NAALADL2: variants seen among roughly 807,000 people sequenced by gnomAD.
The protein encoded by NAALADL2 is inactive N-acetylated-alpha-linked acidic dipeptidase-like protein 2.
In NAALADL2, 76 loss-of-function variants were observed where a neutral mutation model predicts 87.2. The observed-to-expected ratio is 0.87, with a 90% confidence interval of 0.72 to 1.05. The LOEUF (loss-of-function observed/expected upper bound fraction) is 1.05. Among genes scored for constraint, NAALADL2 ranks in the 50% least tolerant of loss-of-function variants. The probability of loss-of-function intolerance (pLI) is 0.00; values close to 1 mark genes in which losing one functional copy is unlikely to be tolerated. For missense variants in NAALADL2, 1,089 were observed against 945.8 expected, an observed-to-expected ratio of 1.15 and a Z score of -1.99; for synonymous variants, 354 against 331.0, an observed-to-expected ratio of 1.07 and a Z score of -0.75.
intron 2 of NAALADL2, among the ~76,000 whole-genome samples, chr3:175,205,758 C>A (rs1401093041): frequency 6.6e-6 from 1 of 151,176 alleles, no homozygotes; most frequent in Non-Finnish European, 1.5e-5. Flanking sequence ...AAGAAAACAA[C>A]AAAAAATCCC....
At chr3:175,631,863 A>G (rs1727810549) in intron 11 of NAALADL2, among the ~76,000 whole-genome samples, 1 of 151,996 alleles carries the variant, frequency 6.6e-6, no homozygotes. Context: ...AAGTTTCAAC[A>G]TTTATCTCCT....
chr3:174,694,571 A>C (rs781000619), intron 2 of NAALADL2, among the ~76,000 whole-genome samples: 27 of 152,008 alleles, frequency 1.8e-4, no homozygotes, highest in Non-Finnish European at 3.5e-4. Context: ...ATTGTTATTG[A>C]TACAAATGAA....
chr3:175,000,276 A>T (rs6801927), intron 1 of NAALADL2, among the ~76,000 whole-genome samples: 27,235 of 152,174 alleles, frequency 0.18, 3,718 homozygotes, highest in African/African-American at 0.38. Context: ...GTGCTACTGC[A>T]ATAGAAGTAT....
intron 11 of NAALADL2, among the ~76,000 whole-genome samples, chr3:175,723,796 C>G (rs930264310): frequency 5.9e-5 from 9 of 152,054 alleles, no homozygotes; most frequent in African/African-American, 2.2e-4. Flanking sequence ...GACTGATTGA[C>G]TTAGTGTTAG....
intron 3 of NAALADL2, among the ~76,000 whole-genome samples, chr3:174,779,166 C>A (rs1446645937): frequency 6.6e-6 from 1 of 152,178 alleles, no homozygotes; most frequent in Non-Finnish European, 1.5e-5. Flanking sequence ...TTAATGACAG[C>A]CATTCTAACT....
At chr3:175,719,743 C>T (rs1030674278) in intron 11 of NAALADL2, among the ~76,000 whole-genome samples, 12 of 152,158 alleles carry the variant, frequency 7.9e-5, no homozygotes, top group African/African-American at 2.7e-4. Context: ...ATTCAGGCTG[C>T]TGTACCAAAA....
chr3:175,531,938 T>C (rs1484607902), intron 9 of NAALADL2, among the ~76,000 whole-genome samples: 1 of 152,210 alleles, frequency 6.6e-6, no homozygotes, highest in African/African-American at 2.4e-5. Context: ...ATCTCCACAG[T>C]CCCTCAAGGG....
At chr3:175,096,495 CGTGTGT>C (rs3067035) in intron 1 of NAALADL2, among the ~76,000 whole-genome samples, 13,156 of 143,178 alleles carry the variant, frequency 0.092, 587 homozygotes, top group Non-Finnish European at 0.12. Context: ...ATTAATGGGG[CGTGTGT>C]GTGTGTGTGT....
At chr3:175,339,208 T>A (rs1762340040) in intron 5 of NAALADL2, among the ~76,000 whole-genome samples, 1 of 152,232 alleles carries the variant, frequency 6.6e-6, no homozygotes, top group African/African-American at 2.4e-5. Context: ...CTAGAATCAC[T>A]AATCGAAAGA....
At chr3:174,974,245 T>C (rs1055211724) in intron 1 of NAALADL2, among the ~76,000 whole-genome samples, 17 of 152,222 alleles carry the variant, frequency 1.1e-4, no homozygotes, top group Non-Finnish European at 2.2e-4. Flanking sequence ...CCGGTTAAAC[T>C]CGCAGCACTT....
At chr3:175,633,666 C>T (rs531349904) in intron 11 of NAALADL2, among the ~76,000 whole-genome samples, 2 of 151,930 alleles carry the variant, frequency 1.3e-5, no homozygotes, top group South Asian at 4.1e-4. Context: ...CAGCAAATGA[C>T]CTAATTCTTC....
intron 3 of NAALADL2, among the ~76,000 whole-genome samples, chr3:175,251,128 C>A (rs1352153401): frequency 6.6e-6 from 1 of 152,164 alleles, no homozygotes; most frequent in Non-Finnish European, 1.5e-5. Context: ...ACATAGAATG[C>A]CACTTTAAAA....
chr3:174,660,141 A>G (rs1233778665), intron 2 of NAALADL2, among the ~76,000 whole-genome samples: 1 of 152,300 alleles, frequency 6.6e-6, no homozygotes, highest in African/African-American at 2.4e-5. Flanking sequence ...CCAATTTTAT[A>G]TTCATAAATA....
At chr3:175,288,980 G>A (rs1355623012) in intron 4 of NAALADL2, among the ~76,000 whole-genome samples, 7 of 152,084 alleles carry the variant, frequency 4.6e-5, no homozygotes, top group African/African-American at 1.7e-4. Flanking sequence ...ATAAAATAAG[G>A]AGAGCTGAAA....
intron 2 of NAALADL2, among the ~76,000 whole-genome samples, chr3:175,155,186 G>A (rs1312655812): frequency 6.6e-6 from 1 of 152,114 alleles, no homozygotes; most frequent in Non-Finnish European, 1.5e-5. Context: ...CTGGGGCGGT[G>A]GGGCCTGGGT....
At chr3:174,455,856 T>C (rs1715798293) in intron 1 of NAALADL2, among the ~76,000 whole-genome samples, 1 of 152,092 alleles carries the variant, frequency 6.6e-6, no homozygotes, top group African/African-American at 2.4e-5. Context: ...AACATAGTAT[T>C]GGAAGTCCTG....
At position 175,472,845 on chromosome 3, in the gene NAALADL2, T is replaced by A. The variant is rs145987212; in HGVS notation, c.1653+1087T>A. On this transcript the variant is annotated intron_variant, in intron 9 of 13. Transcript: ENST00000454872. ...GTAAGTTAATTTCTCCTGCTCTGTGTACTACTTTGAATTCCTTTACTCCTA... is the reference window on the plus strand; with the variant it reads ...GTAAGTTAATTTCTCCTGCTCTGTGAACTACTTTGAATTCCTTTACTCCTA... Among the ~76,000 whole-genome samples the A allele has an allele frequency of 3.9e-5, 6 of 152,270 alleles. No homozygotes were observed. In the East Asian group the frequency reaches 1.2e-3, roughly 29 times the overall value.
At chr3:175,002,299 TG>T (rs1425946692) in intron 1 of NAALADL2, among the ~76,000 whole-genome samples, 12 of 152,136 alleles carry the variant, frequency 7.9e-5, no homozygotes, top group Admixed American at 7.9e-4. Context: ...AACTAGACAG[TG>T]GTGGAGCAAG....
intron 2 of NAALADL2, among the ~76,000 whole-genome samples, chr3:175,153,642 G>T (rs1210800387): frequency 6.6e-6 from 1 of 152,130 alleles, no homozygotes; most frequent in Non-Finnish European, 1.5e-5. Context: ...AGAATTTTAT[G>T]CTATATTGAT....
Sources: gnomAD v4.1 joint callset for allele counts (sites outside exome capture counted in the v4.1 genomes callset) on GRCh38, gnomAD v4.1.1 for gene constraint, MANE v1.5 for transcripts, NCBI Gene and HGNC (gene_info 2026-07-23, HGNC 2026-07-21) for gene names.